The following GPC5 variants were observed in gnomAD, a reference collection of about 807,000 sequenced individuals.
GPC5 encodes glypican 5, also known as glypican-5.
Under a neutral mutation model 53.9 loss-of-function variants are expected in GPC5, and 47 were observed. The observed-to-expected ratio is 0.87, with a 90% CI of 0.69 to 1.11. The LOEUF is 1.11. Ranked by LOEUF, GPC5 falls within the 50% of genes most tolerant of loss-of-function variation. GPC5 has a pLI of 0.00. For missense variants in GPC5, 748 were observed against 713.1 expected (o/e 1.05, Z -0.56); for synonymous variants, 286 against 263.3 (o/e 1.09, Z -0.84).
intron 7 of GPC5, among the ~76,000 whole-genome samples, chr13:92,380,916 GAAA>G (rs890659343): frequency 6.8e-6 from 1 of 146,704 alleles, no homozygotes; most frequent in African/African-American, 2.5e-5. Context: ...AATAATAAAA[GAAA>G]AAAAAGAAAA....
chr13:91,586,169 C>T (rs146423534), intron 2 of GPC5, among the ~76,000 whole-genome samples: 41 of 151,290 alleles, frequency 2.7e-4, no homozygotes, highest in East Asian at 5.9e-4. Flanking sequence ...AAACAATTTG[C>T]GGCTTACAAT....
intron 7 of GPC5, among the ~76,000 whole-genome samples, chr13:92,530,383 T>A (rs1225733828): frequency 2.6e-5 from 4 of 152,168 alleles, no homozygotes; most frequent in Non-Finnish European, 5.9e-5. Flanking sequence ...ATCCACCCAC[T>A]AAAGCCTCAG....
intron 3 of GPC5, among the ~76,000 whole-genome samples, chr13:91,716,061 G>A (rs2139933496): frequency 6.6e-6 from 1 of 151,782 alleles, no homozygotes. Context: ...TTACAGGCAT[G>A]AGCCACCATG....
intron 2 of GPC5, among the ~76,000 whole-genome samples, chr13:91,652,824 C>T (rs567649509): frequency 6.6e-6 from 1 of 152,120 alleles, no homozygotes; most frequent in Non-Finnish European, 1.5e-5. Flanking sequence ...TATTGATAAC[C>T]TACAGGTCGT....
At chr13:91,681,762 C>G (rs960070068) in intron 2 of GPC5, among the ~76,000 whole-genome samples, 29 of 152,200 alleles carry the variant, frequency 1.9e-4, no homozygotes, top group Admixed American at 3.3e-4. Context: ...TAGAAAATTT[C>G]CAGCTGAGTT....
rs538764725 is a variant in GPC5, at chr13:92,364,045, A to G, written c.1561+219056A>G. Among the ~76,000 whole-genome samples, 233 of 151,884 alleles carry G rather than the reference A, an allele frequency of 1.5e-3. 7 individuals carry two copies. The highest frequency in any genetic ancestry group is 5.3e-3 in the African/African-American group (219 of 41,132). ...TTTTAAAAGAGCTGAGAAGAATTTT[A>G]TTAAGCATATAAATTGGTAAATTGA... is the stretch of plus-strand genomic sequence containing the variant. On this transcript the variant is annotated intron_variant, in intron 7 of 7. Coordinates refer to ENST00000377067, the MANE Select transcript of GPC5 (RefSeq NM_004466.6).
At chr13:91,796,003 A>C (rs1420005491) in intron 5 of GPC5, among the ~76,000 whole-genome samples, 1 of 152,148 alleles carries the variant, frequency 6.6e-6, no homozygotes, top group African/African-American at 2.4e-5. Context: ...TTGCTCCCAG[A>C]GCTCCCAAGA....
At chr13:92,403,955 T>C (rs777392023) in intron 7 of GPC5, among the ~76,000 whole-genome samples, 9 of 152,040 alleles carry the variant, frequency 5.9e-5, no homozygotes, top group Admixed American at 6.6e-5. Context: ...AAATAAAAGG[T>C]ATTTGAAATT....
chr13:92,231,120 A>C (rs2042526885), intron 7 of GPC5, among the ~76,000 whole-genome samples: 1 of 152,076 alleles, frequency 6.6e-6, no homozygotes, highest in Non-Finnish European at 1.5e-5. Context: ...ATGTTGTAAG[A>C]TTTTTCTGAG....
chr13:92,634,681 C>A (rs116610367), intron 7 of GPC5, among the ~76,000 whole-genome samples: 2,241 of 152,052 alleles, frequency 0.015, 57 homozygotes, highest in African/African-American at 0.05. Flanking sequence ...ATTTTGTGTA[C>A]CTGGGGTATA....
chr13:92,757,043 A>G (rs1874912100), intron 7 of GPC5, among the ~76,000 whole-genome samples: 1 of 151,754 alleles, frequency 6.6e-6, no homozygotes, highest in African/African-American at 2.4e-5. Flanking sequence ...AAGCCAAAAG[A>G]ACAAAGCTGG....
intron 7 of GPC5, among the ~76,000 whole-genome samples, chr13:92,472,045 T>A (rs1476521129): frequency 6.6e-6 from 1 of 152,140 alleles, no homozygotes; most frequent in African/African-American, 2.4e-5. Flanking sequence ...GAAGTATTGT[T>A]TTAAAAATGC....
chr13:92,387,153 A>G (rs1476004152), intron 7 of GPC5, among the ~76,000 whole-genome samples: 3 of 152,094 alleles, frequency 2.0e-5, no homozygotes, highest in African/African-American at 7.2e-5. Context: ...AAGCAAATGC[A>G]TTCAGTAGCA....
At chr13:91,839,870 T>C (rs931697486) in intron 5 of GPC5, among the ~76,000 whole-genome samples, 3 of 152,126 alleles carry the variant, frequency 2.0e-5, no homozygotes, top group African/African-American at 7.2e-5. Flanking sequence ...ACCAAGTTCA[T>C]ACACAATTCC....
chr13:91,882,420 T>A (rs2039274062), intron 5 of GPC5, among the ~76,000 whole-genome samples: 1 of 152,006 alleles, frequency 6.6e-6, no homozygotes, highest in Non-Finnish European at 1.5e-5. Context: ...TGACATTCAT[T>A]TAGTGTTTTG....
At chr13:92,481,439 G>A (rs1219415719) in intron 7 of GPC5, among the ~76,000 whole-genome samples, 1 of 152,062 alleles carries the variant, frequency 6.6e-6, no homozygotes, top group African/African-American at 2.4e-5. Flanking sequence ...GTAGTAATTT[G>A]TTATAGCAGC....
intron 7 of GPC5, among the ~76,000 whole-genome samples, chr13:92,855,402 A>C (rs1878963896): frequency 6.6e-6 from 1 of 152,058 alleles, no homozygotes; most frequent in South Asian, 2.1e-4. Flanking sequence ...CCTAATACAA[A>C]CATGTTAGAA....
At chr13:91,784,638 C>T (rs2037849559) in intron 5 of GPC5, among the ~76,000 whole-genome samples, 1 of 151,130 alleles carries the variant, frequency 6.6e-6, no homozygotes, top group African/African-American at 2.4e-5. Flanking sequence ...GCACGAGAAT[C>T]GCTTGAACCT....
At chr13:92,376,628 C>A (rs1030617143) in intron 7 of GPC5, among the ~76,000 whole-genome samples, 2 of 152,086 alleles carry the variant, frequency 1.3e-5, no homozygotes, top group African/African-American at 4.8e-5. Context: ...AAGTTAATGA[C>A]AGTATATTGT....
Sources: gnomAD v4.1 joint callset for allele counts (sites outside exome capture counted in the v4.1 genomes callset) on GRCh38, gnomAD v4.1.1 for gene constraint, MANE v1.5 for transcripts, NCBI Gene and HGNC (gene_info 2026-07-23, HGNC 2026-07-21) for gene names.